The following CBLB variants were observed in gnomAD, a reference collection of about 807,000 sequenced individuals.
CBLB encodes the protein E3 ubiquitin-protein ligase CBL-B.
A neutral mutation model predicts 104.9 loss-of-function variants in CBLB; 31 were observed. The observed-to-expected ratio is 0.30, with a 90% CI of 0.22 to 0.40. CBLB has a LOEUF of 0.40. CBLB is among the 10% of genes least tolerant of loss of function. CBLB has a pLI of 1.00. For missense variants in CBLB, 1,062 were observed against 1,214.6 expected (o/e 0.87, Z 1.87); for synonymous variants, 440 against 422.6 (o/e 1.04, Z -0.51).
intron 3 of CBLB, among the ~76,000 whole-genome samples, chr3:105,805,779 T>G (rs976723075): frequency 2.0e-5 from 3 of 152,172 alleles, no homozygotes; most frequent in Admixed American, 1.3e-4. Flanking sequence ...TTGGAATTAA[T>G]CACTCTATTC....
intron 10 of CBLB, among the ~76,000 whole-genome samples, chr3:105,716,817 G>C (rs753015870): frequency 1.3e-5 from 2 of 152,190 alleles, no homozygotes; most frequent in Non-Finnish European, 2.9e-5. Context: ...CTACTGAAGT[G>C]TGACTTCTAG....
chr3:105,792,185 A>C (rs1250271657), intron 3 of CBLB, among the ~76,000 whole-genome samples: 1 of 152,198 alleles, frequency 6.6e-6, no homozygotes, highest in Non-Finnish European at 1.5e-5. Flanking sequence ...GTCTGAAAGC[A>C]CTGGTTTAGC....
rs775614173 is a variant in CBLB, at chr3:105,678,459, T to C, written c.2541A>G (p.Ser847=). 2.0e-5 allele frequency: 32 copies of C among 1,614,100 alleles called. 1 individual carries two copies. The South Asian group carries it at 3.3e-4, about 17-fold the overall frequency. ...KPPGSSSRPS[S]GQDLFLLPSD... is the part of the protein sequence containing the mutation. ...AAGGAAGAAGAAAAAGATCCTGTCCTGAGGATGGCCGGCTACTGGAGCCAG... is the reference window on the plus strand; with the variant it reads ...AAGGAAGAAGAAAAAGATCCTGTCCCGAGGATGGCCGGCTACTGGAGCCAG... The change falls in exon 17 of 19, where the codon TCA becomes TCG. Residue 847 remains serine (S), a synonymous_variant. Coordinates refer to ENST00000394030, the MANE Select transcript of CBLB (RefSeq NM_170662.5).
chr3:105,847,020 A>G (rs79898233), intron 3 of CBLB, among the ~76,000 whole-genome samples: 2,398 of 152,204 alleles, frequency 0.016, 58 homozygotes, highest in African/African-American at 0.055. Context: ...TAACATAAGG[A>G]AAGAAAGTAG....
intron 3 of CBLB, among the ~76,000 whole-genome samples, chr3:105,840,210 T>C (rs964829498): frequency 1.3e-5 from 2 of 152,220 alleles, no homozygotes; most frequent in African/African-American, 4.8e-5. Context: ...ACTTCCTTTT[T>C]AAAAATCTGT....
chr3:105,793,361 C>A (rs534995893), intron 3 of CBLB, among the ~76,000 whole-genome samples: 1 of 151,684 alleles, frequency 6.6e-6, no homozygotes, highest in Non-Finnish European at 1.5e-5. Context: ...GTAAAATGAA[C>A]TAAGGGGCTC....
chr3:105,826,090 G>A (rs1251192719), intron 3 of CBLB, among the ~76,000 whole-genome samples: 1 of 152,194 alleles, frequency 6.6e-6, no homozygotes, highest in East Asian at 1.9e-4. Flanking sequence ...GCTCCAGCAT[G>A]ACACGGCTCC....
At chr3:105,692,784 C>T (rs2067869859) in intron 13 of CBLB, among the ~76,000 whole-genome samples, 1 of 150,724 alleles carries the variant, frequency 6.6e-6, no homozygotes, top group Non-Finnish European at 1.5e-5. Flanking sequence ...GGAGGAAAGG[C>T]AGACATCCTG....
At chr3:105,766,249 A>G (rs972983704) in intron 4 of CBLB, among the ~76,000 whole-genome samples, 1 of 152,184 alleles carries the variant, frequency 6.6e-6, no homozygotes, top group African/African-American at 2.4e-5. Context: ...AAAGCAAAAA[A>G]GTGCTTTCTT....
intron 3 of CBLB, among the ~76,000 whole-genome samples, chr3:105,815,122 C>T (rs1439610071): frequency 6.6e-6 from 1 of 152,166 alleles, no homozygotes; most frequent in Non-Finnish European, 1.5e-5. Flanking sequence ...TATGAAAGCA[C>T]TTCCCAGTGC....
chr3:105,740,539 T>C lies in CBLB; in HGVS notation c.938A>G (p.Asn313Ser). The C allele has an allele frequency of 6.2e-7, 1 of 1,614,110 alleles. No individual in the cohort carries two copies. The highest frequency in any genetic ancestry group is 2.2e-5 in the East Asian group (1 of 44,868). The part of the protein sequence containing the change: ...DGNILQTIPH[N>S]KPLFQALIDG... Reference sequence around the variant, plus strand: ...AATCAGGGCTTGAAATAAGGGCTTGTTATGAGGTATGGTCTGTAAGATATT... The same window carrying C: ...AATCAGGGCTTGAAATAAGGGCTTGCTATGAGGTATGGTCTGTAAGATATT... Residue 313 changes from asparagine to serine, a missense_variant, in exon 7 of 19, where the codon AAC becomes AGC. Coordinates refer to ENST00000394030, the MANE Select transcript of CBLB (RefSeq NM_170662.5).
At chr3:105,817,318 A>G (rs1349054827) in intron 3 of CBLB, among the ~76,000 whole-genome samples, 2 of 152,320 alleles carry the variant, frequency 1.3e-5, no homozygotes, top group East Asian at 3.9e-4. Flanking sequence ...TTGCAAGAAC[A>G]GGGGACAAGG....
chr3:105,853,360 T>C, intron 3 of CBLB, 54 bp downstream of exon 3: 10 of 1,594,456 alleles, frequency 6.3e-6, no homozygotes, highest in South Asian at 2.2e-5. Flanking sequence ...AACTATTAAG[T>C]AAAAAGCAAC....
At chr3:105,814,938 G>A (rs1292759225) in intron 3 of CBLB, among the ~76,000 whole-genome samples, 13 of 119,782 alleles carry the variant, frequency 1.1e-4, no homozygotes, top group Admixed American at 6.0e-4. Context: ...CACACACCCT[G>A]TATCTCCTGC....
chr3:105,710,332 T>C (rs781742874), intron 10 of CBLB, among the ~76,000 whole-genome samples: 2 of 151,876 alleles, frequency 1.3e-5, no homozygotes, highest in Non-Finnish European at 2.9e-5. Flanking sequence ...CAAACAAATA[T>C]AAGTATGGAA....
intron 14 of CBLB, among the ~76,000 whole-genome samples, chr3:105,683,020 T>C (rs1035230214): frequency 1.7e-4 from 5 of 29,706 alleles, no homozygotes; most frequent in African/African-American, 6.4e-4. Context: ...AAAGTGCGTA[T>C]GTAATGGAAG....
At chr3:105,840,264 T>G (rs1314495036) in intron 3 of CBLB, among the ~76,000 whole-genome samples, 1 of 152,166 alleles carries the variant, frequency 6.6e-6, no homozygotes, top group Non-Finnish European at 1.5e-5. Flanking sequence ...ACAAGTAATA[T>G]TTCACACATG....
chr3:105,739,414 G>A (rs1396152135), intron 7 of CBLB, among the ~76,000 whole-genome samples: 3 of 152,108 alleles, frequency 2.0e-5, no homozygotes, highest in African/African-American at 7.2e-5. Flanking sequence ...GCATCTCTAA[G>A]TTATCCAGCA....
At chr3:105,731,952 T>C (rs577184774) in intron 9 of CBLB, among the ~76,000 whole-genome samples, 3 of 152,286 alleles carry the variant, frequency 2.0e-5, no homozygotes, top group African/African-American at 7.2e-5. Flanking sequence ...ATGGCTGAAA[T>C]ACACAAGCCC....
Sources: allele counts gnomAD v4.1 joint callset (sites outside exome capture counted in the v4.1 genomes callset), GRCh38; gene constraint gnomAD v4.1.1; transcripts MANE v1.5; gene names NCBI Gene and HGNC (gene_info 2026-07-23, HGNC 2026-07-21).